Variants in RAB10 observed in about 807,000 individuals in gnomAD.
The protein encoded by RAB10 is RAB10, member RAS oncogene family.
A neutral mutation model predicts 25.7 loss-of-function variants in RAB10; 5 were observed. The ratio of observed to expected loss-of-function variants is 0.19; its 90% confidence interval spans 0.10 to 0.41. The LOEUF (loss-of-function observed/expected upper bound fraction) is 0.41. Ranked by LOEUF, RAB10 falls within the 10% of genes least tolerant of loss-of-function variation. The pLI, the probability that RAB10 is intolerant of heterozygous loss-of-function variation, is 1.00. For missense variants in RAB10, 103 were observed against 245.8 expected (o/e 0.42, Z 3.89); for synonymous variants, 89 against 86.4 (o/e 1.03, Z -0.16).
At chr2:26,110,742 A>G (rs1022198156) in intron 3 of RAB10, among the ~76,000 whole-genome samples, 4 of 151,988 alleles carry the variant, frequency 2.6e-5, no homozygotes, top group African/African-American at 9.7e-5. Context: ...GTCTCACTTC[A>G]TCACCCAGGC....
At chr2:26,052,215 C>CA (rs201755481) in intron 1 of RAB10, among the ~76,000 whole-genome samples, 1,539 of 151,842 alleles carry the variant, frequency 0.01, 32 homozygotes, top group African/African-American at 0.035. Context: ...CCCGTCTCTA[C>CA]AAAAAATTTA....
At chr2:26,124,729 A>T (rs1667873177) in intron 3 of RAB10, among the ~76,000 whole-genome samples, 1 of 151,552 alleles carries the variant, frequency 6.6e-6, no homozygotes, top group South Asian at 2.1e-4. Flanking sequence ...ATCTTTCTGA[A>T]CTCAAGCTTT....
At chr2:26,131,452 G>A (rs895257280) in intron 5 of RAB10, among the ~76,000 whole-genome samples, 4 of 152,144 alleles carry the variant, frequency 2.6e-5, no homozygotes, top group Non-Finnish European at 5.9e-5. Context: ...ACACTTAGAT[G>A]TGGTGAAGTT....
chr2:26,057,620 T>TTTCATTCATTCATTCA (rs5741517), intron 1 of RAB10, among the ~76,000 whole-genome samples: 3,150 of 149,184 alleles, frequency 0.021, 41 homozygotes, highest in Non-Finnish European at 0.025. Flanking sequence ...GGCAAGTTTC[T>TTTCATTCATTCATTCA]TTCATTCATT....
chr2:26,089,111 A>G lies in RAB10; in HGVS notation c.128-9551A>G, dbSNP rs1204184068. ...AGAGGTGGCTTGGGGCCATGCTCAG[A>G]AATATATTTATTCATAGAGAGTGAT... is the stretch of plus-strand genomic sequence containing the variant. On this transcript the variant is annotated intron_variant, in intron 1 of 5. Coordinates refer to ENST00000264710, the MANE Select transcript of RAB10 (RefSeq NM_016131.5). Among the ~76,000 whole-genome samples, 4 of 152,080 alleles carry G rather than the reference A, an allele frequency of 2.6e-5. No homozygotes were observed. In the East Asian group the frequency reaches 7.7e-4, roughly 29 times the overall value.
intron 2 of RAB10, among the ~76,000 whole-genome samples, chr2:26,108,465 CAT>C (rs1667509004): frequency 1.3e-5 from 2 of 152,052 alleles, no homozygotes; most frequent in African/African-American, 2.4e-5. Context: ...AAAATATAAA[CAT>C]AGAAAACAGA....
chr2:26,089,736 TC>T (rs1180488721), intron 1 of RAB10, among the ~76,000 whole-genome samples: 1 of 152,188 alleles, frequency 6.6e-6, no homozygotes, highest in African/African-American at 2.4e-5. Flanking sequence ...GAAACACTCT[TC>T]TTGTTATGGA....
Position 26,135,023 on chromosome 2 carries a change from C to T in RAB10, c.*2C>T. On this transcript the variant is annotated 3_prime_UTR_variant, in exon 6 of 6. Coordinates refer to ENST00000264710, the MANE Select transcript of RAB10 (RefSeq NM_016131.5). ...GGCTGGAAGAGCAAATGCTGCTGAG[C>T]ATTCTCCTGTTCCATCAGTTGCCAT... 1 of 1,608,666 alleles carries T rather than the reference C, an allele frequency of 6.2e-7. No individual in the cohort carries two copies. Among genetic ancestry groups the T allele is most frequent in the Non-Finnish European group, 8.5e-7 (1 of 1,175,382 alleles).
intron 4 of RAB10, 84 bp downstream of exon 4, chr2:26,127,317 C>T (rs776410912): frequency 2.0e-4 from 193 of 976,654 alleles, no homozygotes; most frequent in Non-Finnish European, 2.8e-4. Context: ...TAATAGTGAT[C>T]GAACACACTA....
chr2:26,086,281 T>C (rs4665820), intron 1 of RAB10, among the ~76,000 whole-genome samples: 117,254 of 152,134 alleles, frequency 0.77, 45,230 homozygotes, highest in East Asian at 0.87. Context: ...AGCGAAACTC[T>C]GTCTCATAAA....
rs111298945 is a variant in RAB10, at chr2:26,087,348, A to G, written c.128-11314A>G. ...ATGTGAAATGCTTAGCACTCTTAGT[A>G]ATTACCTAGTAAACATTAGTATTAC... On this transcript the variant is annotated intron_variant, in intron 1 of 5. Coordinates refer to ENST00000264710, the MANE Select transcript of RAB10 (RefSeq NM_016131.5). 9.8e-3 allele frequency among the ~76,000 whole-genome samples: 1,490 copies of G among 152,330 alleles called. 13 individuals are homozygous for G. The highest frequency in any genetic ancestry group is 0.015 in the Non-Finnish European group (1,039 of 68,036).
At chr2:26,073,639 A>C (rs1392157694) in intron 1 of RAB10, among the ~76,000 whole-genome samples, 1 of 152,206 alleles carries the variant, frequency 6.6e-6, no homozygotes, top group African/African-American at 2.4e-5. Flanking sequence ...TAGATAAGAA[A>C]ACAGAAGAGT....
chr2:26,046,158 C>G (rs1463577114), intron 1 of RAB10, among the ~76,000 whole-genome samples: 1 of 152,084 alleles, frequency 6.6e-6, no homozygotes, highest in Non-Finnish European at 1.5e-5. Flanking sequence ...AACCCTGTTT[C>G]TACTAAAAAT....
At chr2:26,102,196 C>T (rs1408735040) in intron 2 of RAB10, 1 of 152,220 alleles carries the variant, frequency 6.6e-6, no homozygotes, top group African/African-American at 2.4e-5. Flanking sequence ...GTTTCCTTAA[C>T]ACTTAATAAT....
Position 26,070,913 on chromosome 2 carries a change from C to G in RAB10, c.128-27749C>G, listed in dbSNP as rs1421119906. 1.3e-5 allele frequency among the ~76,000 whole-genome samples: 2 copies of G among 152,100 alleles called. 1 individual carries two copies. On this transcript the variant is annotated intron_variant, in intron 1 of 5. Coordinates refer to ENST00000264710, the MANE Select transcript of RAB10 (RefSeq NM_016131.5). ...AAGGTCAAAACTTTTCATAATAATTCTAAGACATTTGCCTTTTTCACTATG... is the reference window on the plus strand; with the variant it reads ...AAGGTCAAAACTTTTCATAATAATTGTAAGACATTTGCCTTTTTCACTATG...
At chr2:26,067,493 T>C (rs1473179898) in intron 1 of RAB10, among the ~76,000 whole-genome samples, 4 of 152,180 alleles carry the variant, frequency 2.6e-5, no homozygotes, top group Admixed American at 2.6e-4. Context: ...TCTTGTTGGC[T>C]GAGGAACTGG....
chr2:26,075,979 A>G (rs73920229), intron 1 of RAB10, among the ~76,000 whole-genome samples: 4 of 152,162 alleles, frequency 2.6e-5, no homozygotes, highest in Admixed American at 1.3e-4. Flanking sequence ...GAGGTGTATC[A>G]ATAAGGGCAG....
At chr2:26,037,434 T>C (rs962024659) in intron 1 of RAB10, among the ~76,000 whole-genome samples, 7 of 152,046 alleles carry the variant, frequency 4.6e-5, no homozygotes, top group African/African-American at 1.7e-4. Flanking sequence ...AGGTCGGAAG[T>C]TCGAGACCAG....
chr2:26,081,155 T>C (rs1262562090), intron 1 of RAB10, among the ~76,000 whole-genome samples: 1 of 152,210 alleles, frequency 6.6e-6, no homozygotes, highest in Non-Finnish European at 1.5e-5. Context: ...TGTGACTTGC[T>C]CTTCCTTGCC....
Sources: allele counts gnomAD v4.1 joint callset (sites outside exome capture counted in the v4.1 genomes callset), GRCh38; gene constraint gnomAD v4.1.1; transcripts MANE v1.5; gene names NCBI Gene and HGNC (gene_info 2026-07-23, HGNC 2026-07-21).